Variants in IL6R observed in about 807,000 individuals in gnomAD.
IL6R encodes interleukin-6 receptor subunit alpha.
Under a neutral mutation model 48.3 loss-of-function variants are expected in IL6R, and 38 were observed. That is an observed-to-expected ratio of 0.79 (90% CI 0.61 to 1.03). The LOEUF is 1.03. Ranked by LOEUF, IL6R falls within the 50% of genes least tolerant of loss-of-function variation. IL6R has a pLI of 0.00. For missense variants in IL6R, 534 were observed against 618.3 expected, an observed-to-expected ratio of 0.86 and a Z score of 1.45; for synonymous variants, 264 against 256.2, an observed-to-expected ratio of 1.03 and a Z score of -0.29.
At chr1:154,446,781 A>G (rs1235195777) in intron 6 of IL6R, among the ~76,000 whole-genome samples, 1 of 152,178 alleles carries the variant, frequency 6.6e-6, no homozygotes, top group African/African-American at 2.4e-5. Flanking sequence ...ATAGAAGGAA[A>G]TTGAAATAGT....
At chr1:154,410,094 C>T (rs1297224749) in intron 1 of IL6R, among the ~76,000 whole-genome samples, 1 of 152,102 alleles carries the variant, frequency 6.6e-6, no homozygotes, top group African/African-American at 2.4e-5. Context: ...CATGGATGCT[C>T]CCTGCCCTGG....
At chr1:154,423,593 T>A (rs1688812613) in intron 1 of IL6R, among the ~76,000 whole-genome samples, 1 of 152,126 alleles carries the variant, frequency 6.6e-6, no homozygotes, top group Non-Finnish European at 1.5e-5. Flanking sequence ...TCTTTATGAG[T>A]ATTTCTTTGA....
intron 1 of IL6R, chr1:154,414,706 A>G (rs972170292): frequency 8.3e-6 from 7 of 842,638 alleles, no homozygotes; most frequent in South Asian, 1.4e-5. Flanking sequence ...GCTGCCCTCC[A>G]TTAGGTATTG....
chr1:154,450,607 A>G (rs1690531564), intron 8 of IL6R, among the ~76,000 whole-genome samples: 1 of 152,222 alleles, frequency 6.6e-6, no homozygotes, highest in Non-Finnish European at 1.5e-5. Flanking sequence ...GAAATGGAAT[A>G]CCTGTTGAGG....
chr1:154,433,872 C>T (rs191728889), intron 3 of IL6R, among the ~76,000 whole-genome samples: 12 of 152,106 alleles, frequency 7.9e-5, no homozygotes, highest in East Asian at 2.0e-4. Flanking sequence ...TGCGCCACCA[C>T]GCCAGGCTAA....
At chr1:154,429,091 C>A (rs1163242239) in intron 1 of IL6R, 105 bp from the exon 2 acceptor site, 2 of 1,279,568 alleles carry the variant, frequency 1.6e-6, no homozygotes, top group East Asian at 2.4e-5. Flanking sequence ...GTAGCCTGGG[C>A]CACTTCATCA....
intron 9 of IL6R, among the ~76,000 whole-genome samples, chr1:154,459,732 A>C (rs961550271): frequency 2.0e-5 from 3 of 151,876 alleles, no homozygotes; most frequent in Non-Finnish European, 2.9e-5. Flanking sequence ...AATTCCTCCC[A>C]CCCTATTCTC....
intron 1 of IL6R, among the ~76,000 whole-genome samples, chr1:154,420,066 C>T (rs770615318): frequency 3.9e-5 from 6 of 151,980 alleles, no homozygotes; most frequent in Admixed American, 6.6e-5. Flanking sequence ...ACTCTCTTTC[C>T]CTTGAGGAAT....
rs145006765 is a variant in IL6R, at chr1:154,425,132, C to T, written c.86-4064C>T. Among the ~76,000 whole-genome samples, 362 of 152,142 alleles carry T rather than the reference C, an allele frequency of 2.4e-3. 1 individual carries two copies. The highest frequency in any genetic ancestry group is 8.5e-3 in the African/African-American group (353 of 41,484). ...AGGGGTTGATCTTTAACTATCAGGC[C>T]CAGGGTGTGGCGCCGGGCTGTCTGC... On this transcript the variant is annotated intron_variant, in intron 1 of 9. Transcript: ENST00000368485.
Position 154,448,172 on chromosome 1 carries a change from G to C in IL6R, c.996+1G>C. On this transcript the variant is annotated splice_donor_variant, in intron 7 of 9. Transcript: ENST00000368485. LOFTEE classifies it high-confidence loss of function. ...GAACGAGGTGTCCACCCCCATGCAGGTGAGCTCCTGTTCTTGTAAAAGGGT... is the reference window on the plus strand; with the variant it reads ...GAACGAGGTGTCCACCCCCATGCAGCTGAGCTCCTGTTCTTGTAAAAGGGT... The C allele has an allele frequency of 1.2e-6, 2 of 1,612,734 alleles. No individual in the cohort carries two copies. Among genetic ancestry groups the C allele is most frequent in the South Asian group, 1.1e-5 (1 of 91,028 alleles).
At chr1:154,462,608 C>T (rs1691329874) in intron 9 of IL6R, among the ~76,000 whole-genome samples, 2 of 151,876 alleles carry the variant, frequency 1.3e-5, no homozygotes, top group East Asian at 1.9e-4. Flanking sequence ...CTCCTGACCT[C>T]GTTATCTGCC....
At chr1:154,429,936 A>G (rs1249432769) in intron 2 of IL6R, among the ~76,000 whole-genome samples, 1 of 152,078 alleles carries the variant, frequency 6.6e-6, no homozygotes. Context: ...TTTTTTTAGA[A>G]TTAGCAAGTT....
intron 1 of IL6R, chr1:154,414,839 C>A: frequency 2.6e-6 from 2 of 757,094 alleles, no homozygotes; most frequent in Non-Finnish European, 4.8e-6. Flanking sequence ...AGATTGAGGC[C>A]CAAGAGCTGG....
intron 4 of IL6R, 25 bp downstream of exon 4, chr1:154,434,725 C>T (rs760928806): frequency 6.3e-7 from 1 of 1,597,096 alleles, no homozygotes; most frequent in South Asian, 1.1e-5. Flanking sequence ...ACCCCCTCTC[C>T]AGCAGTTTCC....
At position 154,445,586 on chromosome 1, in the gene IL6R, T is replaced by TA. The variant is rs1465328664; in HGVS notation, c.950-2534dup. On this transcript the variant is annotated intron_variant, in intron 6 of 9. Transcript: ENST00000368485. ...TAACACGGTGAAACCCCGTCTCTAC[T>TA]AAAAATACAAAAAATTAGGCGGGTG... Among the ~76,000 whole-genome samples the TA allele has an allele frequency of 2.8e-4, 43 of 152,074 alleles. 1 individual carries two copies. The highest frequency in any genetic ancestry group is 3.4e-3 in the Middle Eastern group (1 of 294).
At chr1:154,446,155 G>A (rs999544125) in intron 6 of IL6R, among the ~76,000 whole-genome samples, 1 of 152,150 alleles carries the variant, frequency 6.6e-6, no homozygotes, top group Non-Finnish European at 1.5e-5. Context: ...GTGTGTAACT[G>A]TCCTCTGCTG....
intron 1 of IL6R, among the ~76,000 whole-genome samples, chr1:154,419,886 T>C (rs1190426470): frequency 6.6e-6 from 1 of 152,200 alleles, no homozygotes; most frequent in Non-Finnish European, 1.5e-5. Context: ...GCACCCAAAC[T>C]TAGGTCCCAA....
At chr1:154,439,827 A>G (rs1207768055) in intron 6 of IL6R, among the ~76,000 whole-genome samples, 1 of 151,838 alleles carries the variant, frequency 6.6e-6, no homozygotes, top group East Asian at 1.9e-4. Context: ...CTAGTACTTC[A>G]TTTGCTTGCT....
intron 9 of IL6R, among the ~76,000 whole-genome samples, chr1:154,462,927 C>T (rs1691351601): frequency 6.6e-6 from 1 of 152,138 alleles, no homozygotes; most frequent in African/African-American, 2.4e-5. Context: ...CCTGCGTCAG[C>T]CTCCCAAGTA....
Sources: allele counts gnomAD v4.1 joint callset (sites outside exome capture counted in the v4.1 genomes callset), GRCh38; gene constraint gnomAD v4.1.1; transcripts MANE v1.5; gene names NCBI Gene and HGNC (gene_info 2026-07-23, HGNC 2026-07-21).